Variants in IQCM observed in about 807,000 individuals in gnomAD.
The protein encoded by IQCM is IQ domain-containing protein M.
In IQCM, 45 loss-of-function variants were observed where a neutral mutation model predicts 57.6. The ratio of observed to expected loss-of-function variants is 0.78; its 90% CI spans 0.62 to 1.00. The LOEUF (loss-of-function observed/expected upper bound fraction) is 1.00. IQCM is among the 50% of genes least tolerant of loss of function. The pLI is 0.00. For synonymous variants in IQCM, 148 were observed against 158.9 expected, an observed-to-expected ratio of 0.93 and a Z score of 0.51; for missense variants, 468 against 511.6, an observed-to-expected ratio of 0.91 and a Z score of 0.82.
chr4:149,538,735 C>A (rs1383941396), intron 12 of IQCM, among the ~76,000 whole-genome samples: 1 of 151,714 alleles, frequency 6.6e-6, no homozygotes, highest in African/African-American at 2.4e-5. Context: ...GAAGAAAAAC[C>A]TTTATCTTAT....
chr4:149,730,418 C>T (rs961715496), intron 5 of IQCM, among the ~76,000 whole-genome samples: 1 of 152,290 alleles, frequency 6.6e-6, no homozygotes, highest in East Asian at 1.9e-4. Context: ...ATCACTGCAA[C>T]TTCTCTTTAA....
chr4:149,657,309 C>G (rs1759726568), intron 7 of IQCM, among the ~76,000 whole-genome samples: 2 of 152,046 alleles, frequency 1.3e-5, no homozygotes, highest in Non-Finnish European at 2.9e-5. Flanking sequence ...AATATGATGT[C>G]CTTGAGTTTC....
At chr4:149,352,747 A>G (rs1274267551) in intron 13 of IQCM, among the ~76,000 whole-genome samples, 1 of 152,210 alleles carries the variant, frequency 6.6e-6, no homozygotes, top group East Asian at 1.9e-4. Flanking sequence ...TCTGATAATG[A>G]TATTTAAATT....
intron 7 of IQCM, among the ~76,000 whole-genome samples, chr4:149,639,849 A>G (rs1204899555): frequency 6.6e-6 from 1 of 152,194 alleles, no homozygotes; most frequent in African/African-American, 2.4e-5. Flanking sequence ...GGATCCCTCG[A>G]GACAGCGAGG....
intron 12 of IQCM, among the ~76,000 whole-genome samples, chr4:149,514,006 T>C (rs1020374631): frequency 6.6e-6 from 1 of 152,162 alleles, no homozygotes; most frequent in Non-Finnish European, 1.5e-5. Flanking sequence ...TTTCATTTTC[T>C]ATGTTATGTT....
intron 13 of IQCM, among the ~76,000 whole-genome samples, chr4:149,369,662 AG>A (rs1383734345): frequency 2.7e-5 from 4 of 147,714 alleles, no homozygotes; most frequent in African/African-American, 1.1e-4. Flanking sequence ...AAATCGCCTA[AG>A]AAGAAATAAT....
chr4:149,758,830 A>G (rs1421891029), intron 2 of IQCM, among the ~76,000 whole-genome samples: 1 of 150,584 alleles, frequency 6.6e-6, no homozygotes, highest in Admixed American at 6.6e-5. Context: ...GCAGAGCAAC[A>G]GGAACTCACT....
chr4:149,710,329 T>C lies in IQCM; in HGVS notation c.385+22915A>G, dbSNP rs528103367. Among the ~76,000 whole-genome samples, 8 of 152,202 alleles carry C rather than the reference T, an allele frequency of 5.3e-5. No individual in the cohort carries two copies. The East Asian group carries it at 1.4e-3, about 26-fold the overall frequency. On this transcript the variant is annotated intron_variant, in intron 5 of 13. Transcript: ENST00000636793. ...TGTAAACCCAAGGCCCAGCATTGGG[T>C]CCTAGAATTCTAAATGTATAGTGTC...
chr4:149,794,564 G>T (rs1772941710), intron 2 of IQCM, among the ~76,000 whole-genome samples: 1 of 152,154 alleles, frequency 6.6e-6, no homozygotes, highest in Non-Finnish European at 1.5e-5. Flanking sequence ...AGGAACAGTA[G>T]ACAACCATGA....
At chr4:149,449,006 C>T (rs966076157) in intron 12 of IQCM, among the ~76,000 whole-genome samples, 2 of 151,334 alleles carry the variant, frequency 1.3e-5, no homozygotes, top group Admixed American at 6.6e-5. Flanking sequence ...AAAAACAAGG[C>T]AAATATATTC....
chr4:149,690,332 CA>C (rs1247488484), intron 5 of IQCM, among the ~76,000 whole-genome samples: 4 of 151,776 alleles, frequency 2.6e-5, no homozygotes, highest in Admixed American at 2.0e-4. Flanking sequence ...AATGGAAAAC[CA>C]AACATCATAT....
At chr4:149,417,792 A>G (rs1179688619) in intron 13 of IQCM, among the ~76,000 whole-genome samples, 1 of 151,618 alleles carries the variant, frequency 6.6e-6, no homozygotes, top group African/African-American at 2.4e-5. Context: ...GCCAAATGCA[A>G]CAAAAGCATT....
chr4:149,481,697 T>TTTTGTTTTGTTTTTTTTTTG (rs1740809175), intron 12 of IQCM, among the ~76,000 whole-genome samples: 1 of 90,996 alleles, frequency 1.1e-5, no homozygotes, highest in African/African-American at 3.9e-5. Flanking sequence ...ATTCTTCCAG[T>TTTTGTTTTGTTTTTTTTTTG]TTTGTTTTTT....
chr4:149,554,152 G>A (rs964351756), intron 10 of IQCM, among the ~76,000 whole-genome samples: 3 of 151,476 alleles, frequency 2.0e-5, no homozygotes, highest in African/African-American at 2.4e-5. Context: ...CACATTTTTC[G>A]CTGAGTTGGC....
At chr4:149,450,703 G>A (rs560605975) in intron 12 of IQCM, among the ~76,000 whole-genome samples, 1 of 151,778 alleles carries the variant, frequency 6.6e-6, no homozygotes, top group African/African-American at 2.4e-5. Context: ...CAAAAGACAG[G>A]CAACAACAAA....
intron 2 of IQCM, among the ~76,000 whole-genome samples, chr4:149,800,692 T>G (rs956124514): frequency 5.9e-5 from 9 of 151,970 alleles, no homozygotes; most frequent in Non-Finnish European, 1.0e-4. Flanking sequence ...CATTTCTATA[T>G]GCCAACAGAG....
chr4:149,737,575 TTCACCACGTAG>T (rs1253717952), intron 3 of IQCM: 1 of 152,174 alleles, frequency 6.6e-6, no homozygotes, highest in Non-Finnish European at 1.5e-5. Flanking sequence ...CTCCTTGCTT[TTCACCACGTAG>T]ACTCACAGGC....
chr4:149,524,099 A>G (rs2149836803), intron 12 of IQCM, among the ~76,000 whole-genome samples: 1 of 152,260 alleles, frequency 6.6e-6, no homozygotes, highest in Admixed American at 6.5e-5. Context: ...AAAATGTAAT[A>G]CTGTTATATA....
chr4:149,699,104 A>T (rs565233265), intron 5 of IQCM, among the ~76,000 whole-genome samples: 51 of 152,222 alleles, frequency 3.4e-4, no homozygotes, highest in Non-Finnish European at 6.9e-4. Flanking sequence ...GAGTGCCATA[A>T]GATAAAATGA....
Sources: gnomAD v4.1 joint callset for allele counts (sites outside exome capture counted in the v4.1 genomes callset) on GRCh38, gnomAD v4.1.1 for gene constraint, MANE v1.5 for transcripts, NCBI Gene and HGNC (gene_info 2026-07-23, HGNC 2026-07-21) for gene names.